Variants in BAZ2B observed in about 807,000 individuals in gnomAD.
BAZ2B encodes bromodomain adjacent to zinc finger domain 2B, also known as bromodomain adjacent to zinc finger domain protein 2B.
BAZ2B carries 91 observed loss-of-function variants against 246.0 expected under a neutral mutation model. That is an observed-to-expected ratio of 0.37 (90% confidence interval 0.31 to 0.44). BAZ2B has a LOEUF of 0.44. Ranked by LOEUF, BAZ2B falls within the 20% of genes least tolerant of loss-of-function variation. The pLI, the probability that BAZ2B is intolerant of heterozygous loss-of-function variation, is 1.00. For missense variants in BAZ2B, 2,332 were observed against 2,533.7 expected, an observed-to-expected ratio of 0.92 and a Z score of 1.71; for synonymous variants, 855 against 860.0, an observed-to-expected ratio of 0.99 and a Z score of 0.10.
At chr2:159,445,889 G>A (rs1463599271) in intron 6 of BAZ2B, among the ~76,000 whole-genome samples, 1 of 152,130 alleles carries the variant, frequency 6.6e-6, no homozygotes, top group Non-Finnish European at 1.5e-5. Context: ...CTGAGGCGGT[G>A]GATCCCTTGA....
chr2:159,611,805 T>C (rs925942586), intron 1 of BAZ2B, among the ~76,000 whole-genome samples: 1 of 152,098 alleles, frequency 6.6e-6, no homozygotes, highest in South Asian at 2.1e-4. Context: ...CTATATTATA[T>C]CCTTAAATCT....
intron 33 of BAZ2B, among the ~76,000 whole-genome samples, chr2:159,334,104 A>G (rs2065228748): frequency 2.0e-5 from 3 of 152,164 alleles, no homozygotes; most frequent in Admixed American, 2.0e-4. Flanking sequence ...TTTAAAAATC[A>G]GATTCATGAA....
rs1262939929 is a variant in BAZ2B, at chr2:159,453,661, C to T, written c.286G>A (p.Gly96Ser). The change falls in exon 4 of 37, where the codon GGT (glycine) becomes AGT (serine). Residue 96 changes from glycine (G) to serine (S), a missense_variant. Around this residue, in one of 9 missense-constraint regions of BAZ2B, gnomAD observed 242 missense variants for 237.4 expected, o/e 1.02. Coordinates refer to ENST00000392783, the MANE Select transcript of BAZ2B (RefSeq NM_013450.4). Reference sequence around the variant, plus strand: ...TGTGCGGCTAAGGCTGTGGGTGTACCAAGTGTCCCCAAACCACCAAATTCT... The same window carrying T: ...TGTGCGGCTAAGGCTGTGGGTGTACTAAGTGTCCCCAAACCACCAAATTCT... ...HSEFGGLGTL[G>S]TPTALAAHPQ... is the part of the protein sequence containing the mutation. 2 of 1,613,174 alleles carry T rather than the reference C, an allele frequency of 1.2e-6. No individual in the cohort carries two copies. The highest frequency in any genetic ancestry group is 1.7e-6 in the Non-Finnish European group (2 of 1,179,644).
At chr2:159,451,352 C>T (rs895757762) in intron 4 of BAZ2B, among the ~76,000 whole-genome samples, 1 of 152,108 alleles carries the variant, frequency 6.6e-6, no homozygotes, top group African/African-American at 2.4e-5. Flanking sequence ...AATTATTCCT[C>T]ATTAAAAACT....
chr2:159,417,896 T>C (rs1047051705), intron 13 of BAZ2B, among the ~76,000 whole-genome samples: 1 of 152,186 alleles, frequency 6.6e-6, no homozygotes, highest in African/African-American at 2.4e-5. Context: ...GGAGAGAAAG[T>C]TGTCTCAACT....
intron 31 of BAZ2B, among the ~76,000 whole-genome samples, chr2:159,342,051 T>C (rs1214774262): frequency 6.6e-6 from 1 of 151,826 alleles, no homozygotes; most frequent in Non-Finnish European, 1.5e-5. Flanking sequence ...GAGACAAAAA[T>C]ACAAAAGATC....
intron 2 of BAZ2B, 114 bp from the exon 3 acceptor site, chr2:159,478,835 G>A (rs2078928071): frequency 7.9e-6 from 6 of 760,258 alleles, no homozygotes; most frequent in Non-Finnish European, 1.1e-5. Context: ...CTAAATACAT[G>A]TTCTTTGGAA....
intron 2 of BAZ2B, among the ~76,000 whole-genome samples, chr2:159,548,499 T>C (rs1293903432): frequency 2.0e-5 from 3 of 147,952 alleles, no homozygotes; most frequent in Non-Finnish European, 3.0e-5. Context: ...TGGGCATCTG[T>C]AGAATGTAAT....
chr2:159,573,537 T>A (rs1684519888), intron 1 of BAZ2B, among the ~76,000 whole-genome samples: 1 of 152,032 alleles, frequency 6.6e-6, no homozygotes, highest in Non-Finnish European at 1.5e-5. Flanking sequence ...GACCCAAACG[T>A]AAGAGGTAAA....
At chr2:159,466,564 A>G (rs2077074578) in intron 3 of BAZ2B, among the ~76,000 whole-genome samples, 1 of 152,214 alleles carries the variant, frequency 6.6e-6, no homozygotes, top group Admixed American at 6.5e-5. Context: ...TGCAGCAATT[A>G]CCTAGAGACT....
intron 31 of BAZ2B, among the ~76,000 whole-genome samples, chr2:159,343,225 T>C (rs1466070322): frequency 1.3e-5 from 2 of 152,150 alleles, no homozygotes; most frequent in African/African-American, 4.8e-5. Flanking sequence ...TGCAGAGGAA[T>C]TAAACTAGAC....
the BAZ2B span, among the ~76,000 whole-genome samples, chr2:159,680,761 A>C: frequency 6.6e-6 from 1 of 152,182 alleles, no homozygotes; most frequent in Non-Finnish European, 1.5e-5. Context: ...TGTCCTTTGC[A>C]GTAGGGGCTG....
intron 14 of BAZ2B, among the ~76,000 whole-genome samples, chr2:159,408,817 G>A (rs945233151): frequency 6.6e-6 from 1 of 152,164 alleles, no homozygotes; most frequent in Non-Finnish European, 1.5e-5. Context: ...CTACTCAGGA[G>A]GCTGAGGCAG....
the BAZ2B span, among the ~76,000 whole-genome samples, chr2:159,625,797 A>G: frequency 6.6e-6 from 1 of 152,322 alleles, no homozygotes; most frequent in South Asian, 2.1e-4. Flanking sequence ...AGCTAGCATC[A>G]TAATGACAGG....
intron 14 of BAZ2B, among the ~76,000 whole-genome samples, chr2:159,411,487 A>T (rs1245987916): frequency 6.6e-6 from 1 of 152,174 alleles, no homozygotes; most frequent in East Asian, 1.9e-4. Flanking sequence ...AGAAGTAGTA[A>T]AATTCTGTTA....
At chr2:159,371,709 C>A (rs891024423) in intron 27 of BAZ2B, among the ~76,000 whole-genome samples, 1 of 152,166 alleles carries the variant, frequency 6.6e-6, no homozygotes, top group African/African-American at 2.4e-5. Flanking sequence ...ATTCCCCTGC[C>A]AAAATTAGTC....
intron 1 of BAZ2B, among the ~76,000 whole-genome samples, chr2:159,558,422 A>G (rs111636264): frequency 0.054 from 8,141 of 151,904 alleles, 372 homozygotes; most frequent in African/African-American, 0.12. Context: ...ATGCCTGGCT[A>G]ATTTTTTTTG....
At chr2:159,342,752 A>G (rs934835314) in intron 31 of BAZ2B, among the ~76,000 whole-genome samples, 1 of 152,204 alleles carries the variant, frequency 6.6e-6, no homozygotes, top group Non-Finnish European at 1.5e-5. Context: ...GAAAACTATA[A>G]AACACTGATT....
chr2:159,357,877 C>A (rs556987518), intron 27 of BAZ2B, among the ~76,000 whole-genome samples: 2 of 152,020 alleles, frequency 1.3e-5, no homozygotes, highest in Non-Finnish European at 2.9e-5. Context: ...GCTTCATAAG[C>A]GAAGGAGAAA....
Sources: gnomAD v4.1 joint callset for allele counts (sites outside exome capture counted in the v4.1 genomes callset) on GRCh38, gnomAD v4.1.1 for gene constraint, gnomAD v4.1.1 regional missense constraint, MANE v1.5 for transcripts, NCBI Gene and HGNC (gene_info 2026-07-23, HGNC 2026-07-21) for gene names.